Variants in UNC5C observed in about 807,000 individuals in gnomAD.
UNC5C encodes the protein netrin receptor UNC5C.
UNC5C carries 47 observed loss-of-function variants against 99.8 expected under a neutral mutation model. The ratio of observed to expected loss-of-function variants is 0.47; its 90% CI spans 0.37 to 0.60. The LOEUF is 0.60. Among genes scored for constraint, UNC5C ranks in the 20% least tolerant of loss-of-function variants. UNC5C has a pLI of 0.00. For synonymous variants in UNC5C, 487 were observed against 452.2 expected (o/e 1.08, Z -0.98); for missense variants, 1,062 against 1,165.9 (o/e 0.91, Z 1.30).
At chr4:95,421,619 TACAC>T (rs3069166) in intron 1 of UNC5C, among the ~76,000 whole-genome samples, 131 of 149,644 alleles carry the variant, frequency 8.8e-4, no homozygotes, top group African/African-American at 2.6e-3. Flanking sequence ...CACTCTCTTT[TACAC>T]ACACACACAC....
intron 1 of UNC5C, among the ~76,000 whole-genome samples, chr4:95,528,974 A>C (rs1263386745): frequency 3.3e-5 from 5 of 152,156 alleles, no homozygotes; most frequent in Admixed American, 2.6e-4. Context: ...ATTCCAGCAG[A>C]AAGTTAACAA....
intron 2 of UNC5C, among the ~76,000 whole-genome samples, chr4:95,321,077 T>C (rs886935152): frequency 1.3e-5 from 2 of 152,212 alleles, no homozygotes; most frequent in Non-Finnish European, 1.5e-5. Flanking sequence ...CTAGACCATA[T>C]GTGTGCAATA....
At chr4:95,474,666 G>T (rs1351026917) in intron 1 of UNC5C, among the ~76,000 whole-genome samples, 1 of 152,080 alleles carries the variant, frequency 6.6e-6, no homozygotes, top group Non-Finnish European at 1.5e-5. Context: ...TGTGGAAACA[G>T]AAATACAATT....
At chr4:95,248,366 C>A in intron 5 of UNC5C, 1 of 330,680 alleles carries the variant, frequency 3.0e-6, no homozygotes, top group South Asian at 2.3e-5. Context: ...TTGAATTGGA[C>A]AAAGAGTAGC....
At chr4:95,444,332 C>CT (rs11363815) in intron 1 of UNC5C, among the ~76,000 whole-genome samples, 4,975 of 136,182 alleles carry the variant, frequency 0.037, 296 homozygotes, top group African/African-American at 0.12. Flanking sequence ...AGTGCATTGC[C>CT]TTTTTTTTTT....
intron 7 of UNC5C, among the ~76,000 whole-genome samples, chr4:95,228,881 G>C (rs1348643381): frequency 6.6e-6 from 1 of 152,100 alleles, no homozygotes; most frequent in African/African-American, 2.4e-5. Flanking sequence ...TTTCCAAACA[G>C]TGTCTTCTGT....
At chr4:95,468,901 T>A (rs1747880299) in intron 1 of UNC5C, among the ~76,000 whole-genome samples, 1 of 152,186 alleles carries the variant, frequency 6.6e-6, no homozygotes, top group Non-Finnish European at 1.5e-5. Context: ...ACTTCCTGAC[T>A]TTAGGGACAA....
intron 1 of UNC5C, among the ~76,000 whole-genome samples, chr4:95,504,348 G>A (rs990825076): frequency 1.3e-5 from 2 of 152,072 alleles, no homozygotes; most frequent in African/African-American, 4.8e-5. Context: ...AGCACTTTTA[G>A]CATTTCTTTA....
intron 4 of UNC5C, among the ~76,000 whole-genome samples, chr4:95,274,200 A>C (rs1740768539): frequency 6.6e-6 from 1 of 152,144 alleles, no homozygotes. Context: ...TTAGCCAGGT[A>C]CACTGGTTCA....
chr4:95,239,372 G>A (rs1018729086), intron 7 of UNC5C, among the ~76,000 whole-genome samples: 3 of 152,012 alleles, frequency 2.0e-5, no homozygotes, highest in Non-Finnish European at 4.4e-5. Context: ...TCCCTTGGCT[G>A]GTGGGCAAAA....
At chr4:95,320,438 AG>A (rs11339729) in intron 2 of UNC5C, among the ~76,000 whole-genome samples, 53,141 of 119,860 alleles carry the variant, frequency 0.44, 11,613 homozygotes, top group East Asian at 0.69. Context: ...AAAAAAAAAA[AG>A]AAAAGAAAAG....
At chr4:95,454,552 A>C (rs888981670) in intron 1 of UNC5C, among the ~76,000 whole-genome samples, 1 of 152,104 alleles carries the variant, frequency 6.6e-6, no homozygotes, top group African/African-American at 2.4e-5. Flanking sequence ...AAGGTCACTG[A>C]GAGAGCAATC....
chr4:95,209,486 C>T (rs568479545), intron 10 of UNC5C, among the ~76,000 whole-genome samples: 73 of 152,252 alleles, frequency 4.8e-4, no homozygotes, highest in Non-Finnish European at 9.1e-4. Flanking sequence ...TTCTTTCTTC[C>T]TATTTAGAAA....
chr4:95,206,728 A>G lies in UNC5C; in HGVS notation c.1802T>C (p.Leu601Pro), dbSNP rs1355225600. The G allele has an allele frequency of 6.2e-7, 1 of 1,613,788 alleles. No homozygotes were observed. Among genetic ancestry groups the G allele is most frequent in the Admixed American group, 1.7e-5 (1 of 59,992 alleles). ...VVSCGPPGALLTRPVVLTMHH... is the reference protein window; with the variant it reads ...VVSCGPPGALPTRPVVLTMHH... ...CATAGTGAGGACGACTGGGCGGGTG[A>G]GCAGAGCTCCTGGGGGCCCACAGCT... Residue 601 changes from leucine to proline, a missense_variant, in exon 11 of 16, where the codon CTC (leucine) becomes CCC (proline). Physicochemically the swap from Leu to Pro is moderately conservative, Grantham distance 98. Around this residue, in one of 3 missense-constraint regions of UNC5C, gnomAD observed 810 missense variants for 854.5 expected, o/e 0.95. Coordinates refer to ENST00000453304, the MANE Select transcript of UNC5C (RefSeq NM_003728.4).
At chr4:95,228,348 G>T (rs1173191182) in intron 7 of UNC5C, among the ~76,000 whole-genome samples, 1 of 151,970 alleles carries the variant, frequency 6.6e-6, no homozygotes, top group Non-Finnish European at 1.5e-5. Context: ...CTGTTTTTAT[G>T]CCATACTACA....
chr4:95,286,044 G>C (rs541642916), intron 3 of UNC5C, among the ~76,000 whole-genome samples: 10 of 152,194 alleles, frequency 6.6e-5, no homozygotes, highest in Admixed American at 1.3e-4. Flanking sequence ...TAATTTCACA[G>C]GGTTATATAG....
intron 5 of UNC5C, among the ~76,000 whole-genome samples, chr4:95,245,418 C>T (rs1739468219): frequency 6.6e-6 from 1 of 152,104 alleles, no homozygotes; most frequent in South Asian, 2.1e-4. Flanking sequence ...GGCCAGTGTT[C>T]TTAAAAAATA....
intron 7 of UNC5C, among the ~76,000 whole-genome samples, chr4:95,222,820 T>G (rs1738521714): frequency 6.6e-6 from 1 of 152,206 alleles, no homozygotes. Flanking sequence ...GATTTTCTGT[T>G]GTTTCTTGCC....
Position 95,182,938 on chromosome 4 carries a change from C to T in UNC5C, c.2410G>A (p.Gly804Arg). The T allele has an allele frequency of 6.2e-7, 1 of 1,613,984 alleles. No individual in the cohort carries two copies. The highest frequency in any genetic ancestry group is 2.2e-5 in the East Asian group (1 of 44,876). ...VCKLCVRQVE[G>R]EGQIFQLNCT... ...TTGAGCTGGAAGATCTGCCCTTCTC[C>T]TTCCACCTGCCGCACACAGAGTTTG... Residue 804 changes from glycine to arginine, a missense_variant, in exon 14 of 16, where the codon GGA (glycine) becomes AGA (arginine). Around this residue, in one of 3 missense-constraint regions of UNC5C, gnomAD observed 810 missense variants for 854.5 expected, o/e 0.95. Transcript: ENST00000453304.
Sources: allele counts gnomAD v4.1 joint callset (sites outside exome capture counted in the v4.1 genomes callset), GRCh38; gene constraint gnomAD v4.1.1; regional missense constraint gnomAD v4.1.1; transcripts MANE v1.5; gene names NCBI Gene and HGNC (gene_info 2026-07-23, HGNC 2026-07-21).